CDH22: variants seen among roughly 807,000 people sequenced by gnomAD.
CDH22 encodes the protein cadherin 22, also known as cadherin-22.
A neutral mutation model predicts 58.4 loss-of-function variants in CDH22; 30 were observed. That is an observed-to-expected ratio of 0.51 (90% CI 0.38 to 0.70). The LOEUF (loss-of-function observed/expected upper bound fraction) is 0.70. Ranked by LOEUF, CDH22 falls within the 30% of genes least tolerant of loss-of-function variation. The pLI, the probability that CDH22 is intolerant of heterozygous loss-of-function variation, is 0.00. For missense variants in CDH22, 1,014 were observed against 1,233.9 expected, an observed-to-expected ratio of 0.82 and a Z score of 2.67; for synonymous variants, 513 against 558.2, an observed-to-expected ratio of 0.92 and a Z score of 1.14.
chr20:46,294,521 T>A (rs936034563), intron 1 of CDH22, among the ~76,000 whole-genome samples: 1 of 152,172 alleles, frequency 6.6e-6, no homozygotes, highest in Non-Finnish European at 1.5e-5. Flanking sequence ...CAATTGTTAT[T>A]TCAATTACAC....
intron 1 of CDH22, among the ~76,000 whole-genome samples, chr20:46,266,391 A>T (rs2086459750): frequency 6.6e-6 from 1 of 152,146 alleles, no homozygotes; most frequent in Admixed American, 6.5e-5. Context: ...GGTCTTGTGG[A>T]GCACCCGTCC....
At chr20:46,219,422 C>G (rs947185310) in intron 4 of CDH22, among the ~76,000 whole-genome samples, 3 of 152,218 alleles carry the variant, frequency 2.0e-5, no homozygotes, top group Non-Finnish European at 4.4e-5. Context: ...ACCATACTGA[C>G]TTAAATGACA....
At chr20:46,254,276 C>T (rs541751538) in intron 1 of CDH22, among the ~76,000 whole-genome samples, 75 of 152,180 alleles carry the variant, frequency 4.9e-4, no homozygotes, top group African/African-American at 1.5e-3. Context: ...AAGTACTGGC[C>T]GAGTGAGGTG....
chr20:46,199,348 C>G, intron 8 of CDH22, 75 bp downstream of exon 8: 2 of 1,534,616 alleles, frequency 1.3e-6, no homozygotes, highest in South Asian at 2.4e-5. Context: ...CTGCCCCCAG[C>G]CCTTGGCCCC....
At chr20:46,263,169 T>C (rs1280276515) in intron 1 of CDH22, among the ~76,000 whole-genome samples, 1 of 152,222 alleles carries the variant, frequency 6.6e-6, no homozygotes, top group Admixed American at 6.5e-5. Flanking sequence ...GAGTTTGCAC[T>C]ACTGAATGTG....
chr20:46,300,704 A>AC lies in CDH22; in HGVS notation c.-400+7550dup, dbSNP rs1341067009. 1.3e-5 allele frequency among the ~76,000 whole-genome samples: 2 copies of AC among 151,258 alleles called. No individual in the cohort carries two copies. Among genetic ancestry groups the AC allele is most frequent in the Non-Finnish European group, 2.9e-5 (2 of 67,866 alleles). ...TCCAGCATCCTTCCCTTCCCCAGGG[A>AC]CCCCCCAGTCCCCTCTTCGCTGGCC... On this transcript the variant is annotated intron_variant, in intron 1 of 11. Coordinates refer to ENST00000537909, the MANE Select transcript of CDH22 (RefSeq NM_021248.3). The surrounding 1 kb of genome is among the most constrained non-coding windows in gnomAD (Gnocchi z 4.4).
chr20:46,261,950 C>G (rs1207721080), intron 1 of CDH22, among the ~76,000 whole-genome samples: 1 of 152,130 alleles, frequency 6.6e-6, no homozygotes, highest in Non-Finnish European at 1.5e-5. Context: ...GTGCCTGCAA[C>G]TCACATGAGC....
At chr20:46,214,114 G>A (rs2086064549) in intron 5 of CDH22, among the ~76,000 whole-genome samples, 1 of 152,300 alleles carries the variant, frequency 6.6e-6, no homozygotes, top group East Asian at 1.9e-4. Flanking sequence ...ATTCTAGACA[G>A]AGGGAGCAGC....
At chr20:46,248,902 A>C (rs1300882473) in intron 2 of CDH22, among the ~76,000 whole-genome samples, 2 of 152,202 alleles carry the variant, frequency 1.3e-5, no homozygotes, top group African/African-American at 4.8e-5. Flanking sequence ...CGCCCACTCT[A>C]TGACTTTGCC....
intron 2 of CDH22, among the ~76,000 whole-genome samples, chr20:46,245,697 C>A (rs1472964019): frequency 6.6e-6 from 1 of 152,174 alleles, no homozygotes; most frequent in Non-Finnish European, 1.5e-5. Context: ...CAGACTCCCC[C>A]AGTTGTCTTC....
At chr20:46,231,289 T>C (rs890340975) in intron 3 of CDH22, among the ~76,000 whole-genome samples, 7 of 152,194 alleles carry the variant, frequency 4.6e-5, no homozygotes. Flanking sequence ...TGGAATGGCT[T>C]GTCCTTGAAG....
At chr20:46,202,361 T>TC (rs1487722705) in intron 7 of CDH22, among the ~76,000 whole-genome samples, 1 of 151,690 alleles carries the variant, frequency 6.6e-6, no homozygotes, top group East Asian at 1.9e-4. Context: ...TTTAATTTTT[T>TC]TTTTTTTTTT....
intron 10 of CDH22, among the ~76,000 whole-genome samples, chr20:46,180,964 G>A (rs1181020773): frequency 1.4e-5 from 2 of 138,244 alleles, no homozygotes; most frequent in Non-Finnish European, 3.2e-5. Flanking sequence ...GTGTGTGTGT[G>A]TACAGATGAG....
At chr20:46,271,135 G>A (rs2086486314) in intron 1 of CDH22, among the ~76,000 whole-genome samples, 1 of 152,198 alleles carries the variant, frequency 6.6e-6, no homozygotes, top group African/African-American at 2.4e-5. Flanking sequence ...ACCACCTGCT[G>A]GGACCACCCT....
At chr20:46,175,901 G>A (rs2085735024) in intron 11 of CDH22, among the ~76,000 whole-genome samples, 1 of 152,202 alleles carries the variant, frequency 6.6e-6, no homozygotes, top group Non-Finnish European at 1.5e-5. Context: ...CCCTAAGCTA[G>A]GACCTGGGAA....
In CDH22 at chr20:46,240,952, C is replaced by T; in HGVS notation, c.550+11G>A. The T allele has an allele frequency of 1.2e-6, 2 of 1,606,222 alleles. No homozygotes were observed. The highest frequency in any genetic ancestry group is 1.7e-6 in the Non-Finnish European group (2 of 1,174,542). On this transcript the variant is annotated intron_variant, in intron 3 of 11. Coordinates refer to ENST00000537909, the MANE Select transcript of CDH22 (RefSeq NM_021248.3). ...TGATCCCATCCCCCACCCCCAGGGC[C>T]CACAGCCCACCTGTAGGTGAGAGCT...
In CDH22 at chr20:46,174,876, G is replaced by A; in HGVS notation, c.2117C>T (p.Ala706Val). The A allele has an allele frequency of 2.7e-6, 1 of 371,150 alleles. No individual in the cohort carries two copies. Among genetic ancestry groups the A allele is most frequent in the Non-Finnish European group, 4.1e-6 (1 of 245,806 alleles). 23.0% of individuals were successfully genotyped at this position (371,150 alleles called of 1,614,324 possible). Reference protein sequence around the residue: ...ELKGGDGGGSAGGGAGGGSGG... With the variant: ...ELKGGDGGGSVGGGAGGGSGG... Reference sequence around the variant, plus strand: ...CGAGCCCCCGCCCGCTCCCCCGCCCGCGCTGCCGCCCCCGTCGCCGCCCTT... The same window carrying A: ...CGAGCCCCCGCCCGCTCCCCCGCCCACGCTGCCGCCCCCGTCGCCGCCCTT... Residue 706 changes from alanine to valine, a missense_variant, in exon 12 of 12, where the codon GCG becomes GTG. Transcript: ENST00000537909. The surrounding 1 kb of genome is among the most constrained non-coding windows in gnomAD (Gnocchi z 4.4).
At chr20:46,301,641 T>A (rs962582459) in intron 1 of CDH22, among the ~76,000 whole-genome samples, 3 of 151,782 alleles carry the variant, frequency 2.0e-5, no homozygotes, top group Non-Finnish European at 4.4e-5. Context: ...TGAAACTCTG[T>A]CTCTACTAAA....
chr20:46,177,726 G>A (rs2085751155), intron 11 of CDH22, among the ~76,000 whole-genome samples: 1 of 152,198 alleles, frequency 6.6e-6, no homozygotes, highest in Non-Finnish European at 1.5e-5. Flanking sequence ...CGTGAATGGG[G>A]TGGGCCACAG....
Sources: allele counts gnomAD v4.1 joint callset (sites outside exome capture counted in the v4.1 genomes callset), GRCh38; gene constraint gnomAD v4.1.1; non-coding constraint Gnocchi (gnomAD v3.1); transcripts MANE v1.5; gene names NCBI Gene and HGNC (gene_info 2026-07-23, HGNC 2026-07-21).